The following SAMD3 variants were observed in gnomAD, a reference collection of about 807,000 sequenced individuals.
SAMD3 encodes the protein sterile alpha motif domain containing 3, also known as sterile alpha motif domain-containing protein 3.
A neutral mutation model predicts 58.5 loss-of-function variants in SAMD3; 63 were observed. The observed-to-expected ratio is 1.08, with a 90% confidence interval of 0.88 to 1.33. The LOEUF (loss-of-function observed/expected upper bound fraction) is 1.33. Ranked by LOEUF, SAMD3 falls within the 40% of genes most tolerant of loss-of-function variation. SAMD3 has a pLI of 0.00. For missense variants in SAMD3, 604 were observed against 608.4 expected (o/e 0.99, Z 0.08); for synonymous variants, 220 against 210.3 (o/e 1.05, Z -0.40).
intron 2 of SAMD3, among the ~76,000 whole-genome samples, chr6:130,312,018 A>G (rs945316074): frequency 9.9e-5 from 15 of 152,176 alleles, no homozygotes; most frequent in African/African-American, 3.6e-4. Context: ...GGCTGAAACC[A>G]CAGATAGCAA....
chr6:130,275,262 T>C (rs1306774172), intron 2 of SAMD3, among the ~76,000 whole-genome samples: 3 of 152,218 alleles, frequency 2.0e-5, no homozygotes, highest in African/African-American at 7.2e-5. Context: ...ACTTACTTGC[T>C]GATTTATTTT....
At chr6:130,302,425 T>G (rs1775781390) in intron 2 of SAMD3, among the ~76,000 whole-genome samples, 1 of 152,042 alleles carries the variant, frequency 6.6e-6, no homozygotes. Flanking sequence ...AAGTCAAAAA[T>G]AACAGATATT....
intron 6 of SAMD3, 39 bp from the exon 7 acceptor site, chr6:130,184,226 C>A: frequency 6.6e-7 from 1 of 1,510,880 alleles, no homozygotes; most frequent in South Asian, 1.2e-5. Context: ...TCACTTCAAG[C>A]AAACCACATT....
intron 4 of SAMD3, 94 bp from the exon 5 acceptor site, chr6:130,209,702 C>T: frequency 1.4e-6 from 1 of 723,902 alleles, no homozygotes; most frequent in South Asian, 1.8e-5. Context: ...CCAGAGTAAA[C>T]ATCATGGTCT....
At chr6:130,365,080 G>T in intron 1 of SAMD3, 2 of 726,190 alleles carry the variant, frequency 2.8e-6, no homozygotes, top group African/African-American at 1.9e-5. Flanking sequence ...GGGGGTGGTT[G>T]GAATATCCGG....
rs187338188 is a variant in SAMD3 at position 130,325,668 on chromosome 6, A to T, written c.-303-12575T>A. Among the ~76,000 whole-genome samples, 5 of 152,378 alleles carry T rather than the reference A, an allele frequency of 3.3e-5. No individual in the cohort carries two copies. In the East Asian group the frequency reaches 7.7e-4, roughly 23 times the overall value. On this transcript the variant is annotated intron_variant, in intron 1 of 13. Transcript: ENST00000368134. ...CAGCTATCTGGATATCCCTTAAGCC[A>T]GTCAAGGTGACACCAAAATTAAGCA...
At chr6:130,259,847 T>C (rs550670732) in intron 2 of SAMD3, among the ~76,000 whole-genome samples, 83 of 152,336 alleles carry the variant, frequency 5.4e-4, no homozygotes, top group African/African-American at 1.9e-3. Flanking sequence ...AAACAAGATA[T>C]TGACATTAAC....
At chr6:130,328,339 G>A (rs1309192487) in intron 1 of SAMD3, among the ~76,000 whole-genome samples, 2 of 152,124 alleles carry the variant, frequency 1.3e-5, no homozygotes, top group Admixed American at 1.3e-4. Flanking sequence ...TTCCTGGTGG[G>A]CTAAACTCTG....
intron 1 of SAMD3, among the ~76,000 whole-genome samples, chr6:130,326,366 C>CCTTTTTTT (rs1444494681): frequency 2.6e-5 from 3 of 113,266 alleles, no homozygotes; most frequent in South Asian, 3.2e-4. Flanking sequence ...AATGCCTGGT[C>CCTTTTTTT]ATTTTTTTTT....
intron 7 of SAMD3, chr6:130,183,076 T>A (rs1377004076): frequency 6.7e-6 from 2 of 300,560 alleles, no homozygotes; most frequent in Non-Finnish European, 1.3e-5. Flanking sequence ...GACAGTGGTC[T>A]TTGAAATCCA....
intron 2 of SAMD3, among the ~76,000 whole-genome samples, chr6:130,308,608 T>A (rs1377069726): frequency 6.6e-6 from 1 of 151,992 alleles, no homozygotes; most frequent in African/African-American, 2.4e-5. Context: ...ATTTTCTAGA[T>A]AACTAGATTA....
intron 2 of SAMD3, among the ~76,000 whole-genome samples, chr6:130,245,990 G>T (rs2114901904): frequency 6.6e-6 from 1 of 152,280 alleles, no homozygotes; most frequent in Non-Finnish European, 1.5e-5. Context: ...TTCATGCAAA[G>T]CCAGTTGCAG....
chr6:130,323,332 A>G (rs1305173802), intron 1 of SAMD3, among the ~76,000 whole-genome samples: 1 of 152,154 alleles, frequency 6.6e-6, no homozygotes. Flanking sequence ...TGCTCTTGGC[A>G]GCAAATCCCT....
At chr6:130,254,920 T>C (rs1166045446) in intron 2 of SAMD3, among the ~76,000 whole-genome samples, 6 of 152,224 alleles carry the variant, frequency 3.9e-5, no homozygotes, top group African/African-American at 1.4e-4. Flanking sequence ...TCTTCTTTTT[T>C]GATGTAAATA....
chr6:130,347,327 G>A (rs961378042), intron 1 of SAMD3, among the ~76,000 whole-genome samples: 1 of 151,904 alleles, frequency 6.6e-6, no homozygotes, highest in Non-Finnish European at 1.5e-5. Context: ...TAAAAACCTT[G>A]AAAAAAAATT....
intron 2 of SAMD3, among the ~76,000 whole-genome samples, chr6:130,285,750 A>G (rs1299079412): frequency 6.6e-6 from 1 of 152,240 alleles, no homozygotes; most frequent in East Asian, 1.9e-4. Flanking sequence ...TTAAAAGTCC[A>G]TCTTATTCCC....
intron 5 of SAMD3, among the ~76,000 whole-genome samples, chr6:130,205,130 A>G (rs1186250188): frequency 6.8e-6 from 1 of 147,602 alleles, no homozygotes; most frequent in African/African-American, 2.5e-5. Flanking sequence ...GGAATGGCTT[A>G]TAGAGCCCTG....
chr6:130,200,405 C>T lies in SAMD3; in HGVS notation c.383+9090G>A, dbSNP rs888888025. Among the ~76,000 whole-genome samples, 15 of 150,882 alleles carry T rather than the reference C, an allele frequency of 9.9e-5. No individual in the cohort carries two copies. In the South Asian group the frequency reaches 1.0e-3, roughly 11 times the overall value. ...AAATACAAAAAAAAAAAAAATTAGC[C>T]GGGCGTGGTTGCATGCAACTGTAGT... On this transcript the variant is annotated intron_variant, in intron 5 of 11. Transcript: ENST00000439090.
chr6:130,234,958 A>C (rs1480078882), intron 2 of SAMD3, among the ~76,000 whole-genome samples: 1 of 152,152 alleles, frequency 6.6e-6, no homozygotes, highest in Non-Finnish European at 1.5e-5. Flanking sequence ...ACTAGAAATA[A>C]AAATAAATTA....
Sources: allele counts gnomAD v4.1 joint callset (sites outside exome capture counted in the v4.1 genomes callset), GRCh38; gene constraint gnomAD v4.1.1; transcripts MANE v1.5; gene names NCBI Gene and HGNC (gene_info 2026-07-23, HGNC 2026-07-21).